The following TUBE1 variants were observed in gnomAD, a reference collection of about 807,000 sequenced individuals.
TUBE1 encodes the protein tubulin epsilon 1.
A neutral mutation model predicts 53.5 loss-of-function variants in TUBE1; 34 were observed. The ratio of observed to expected loss-of-function variants is 0.64; its 90% CI spans 0.48 to 0.85. The LOEUF is 0.85. TUBE1 is among the 40% of genes least tolerant of loss of function. The probability of loss-of-function intolerance (pLI) is 0.00; values close to 1 mark genes in which losing one functional copy is unlikely to be tolerated. For synonymous variants in TUBE1, 177 were observed against 198.4 expected, an observed-to-expected ratio of 0.89 and a Z score of 0.91; for missense variants, 532 against 570.5, an observed-to-expected ratio of 0.93 and a Z score of 0.69.
intron 2 of TUBE1, 169 bp downstream of exon 2, chr6:112,087,053 CAGTGTTCTTTT>C: frequency 3.3e-6 from 2 of 614,728 alleles, no homozygotes; most frequent in African/African-American, 3.7e-5. Flanking sequence ...GGTCGCTGGC[CAGTGTTCTTTT>C]AGTTTAGTGT....
chr6:112,074,679 C>T (rs781847160), intron 9 of TUBE1, 31 bp downstream of exon 9: 13 of 1,414,068 alleles, frequency 9.2e-6, no homozygotes, highest in Non-Finnish European at 1.2e-5. Flanking sequence ...AATTTGAGGC[C>T]TCAAAAAATT....
chr6:112,086,496 C>A (rs1007088288), intron 3 of TUBE1, 60 bp downstream of exon 3: 10 of 1,310,972 alleles, frequency 7.6e-6, no homozygotes, highest in Non-Finnish European at 1.1e-5. Context: ...TTGAAGAATT[C>A]TCTCCCAAGC....
In TUBE1 at chr6:112,070,814, T is replaced by C. The variant is rs1776842795; in HGVS notation, c.*598A>G. The stretch of plus-strand genomic sequence containing the variant: ...GACATTTATTATAAAATCAATTGGT[T>C]TGATAAGAAAGCAATTATTTAAAAA... On this transcript the variant is annotated 3_prime_UTR_variant, in exon 12 of 12. Coordinates refer to ENST00000368662, the MANE Select transcript of TUBE1 (RefSeq NM_016262.5). 1 of 152,096 alleles carries C rather than the reference T, an allele frequency of 6.6e-6. No homozygotes were observed. Among genetic ancestry groups the C allele is most frequent in the Non-Finnish European group, 1.5e-5 (1 of 67,990 alleles). The allele number at this position is 152,096 out of a possible 1,614,324, so 9.4% of individuals were successfully genotyped here. A position where few individuals can be genotyped will look rare whatever the true frequency, so the allele number is the denominator to read the frequency against.
Position 112,071,419 on chromosome 6 carries a change from G to T in TUBE1, c.1421C>A (p.Ala474Asp). ...TTTTTGAGGGTTTCTTTTTCACATA[G>T]CTATGCTTAGTCTGGGTAAATCCTG... ...PVQDLPRLSI[A>D]M The change falls in exon 12 of 12, where the codon GCT becomes GAT. Residue 474 changes from alanine to aspartate, a missense_variant. By Grantham distance (126) the Ala-to-Asp change is moderately radical. Transcript: ENST00000368662. 1 of 1,571,110 alleles carries T rather than the reference G, an allele frequency of 6.4e-7. No individual in the cohort carries two copies. Among genetic ancestry groups the T allele is most frequent in the Non-Finnish European group, 8.7e-7 (1 of 1,153,534 alleles).
Position 112,081,112 on chromosome 6 carries a change from A to G in TUBE1, c.306T>C (p.Ile102=). ...CTCACCAATTATTTCCTGAGCCAGA[A>G]ATATCAGTGATGAGCTGTTTCGTAT... ...VFDTKQLITD[I]SGSGNNWAVG... is the part of the protein sequence containing the mutation. The change falls in exon 5 of 12, where the codon ATT becomes ATC. Residue 102 remains isoleucine, a synonymous_variant. Coordinates refer to ENST00000368662, the MANE Select transcript of TUBE1 (RefSeq NM_016262.5). The G allele has an allele frequency of 6.2e-7, 1 of 1,602,350 alleles. No individual in the cohort carries two copies. The highest frequency in any genetic ancestry group is 1.1e-5 in the South Asian group (1 of 89,692).
chr6:112,071,496 T>G lies in TUBE1; in HGVS notation c.1344A>C (p.Ser448=). ...GTTGGTCATATTCCTGTATGAGTGCTGATAAAGATGACACAGCTTCTGTGA... is the reference window on the plus strand; with the variant it reads ...GTTGGTCATATTCCTGTATGAGTGCGGATAAAGATGACACAGCTTCTGTGA... The part of the protein sequence containing the change: ...SCFTEAVSSL[S]ALIQEYDQLD... The change falls in exon 12 of 12, where the codon TCA becomes TCC. Residue 448 remains serine (S), a synonymous_variant. Transcript: ENST00000368662. 2 of 1,612,828 alleles carry G rather than the reference T, an allele frequency of 1.2e-6. No homozygotes were observed. Among genetic ancestry groups the G allele is most frequent in the Non-Finnish European group, 1.7e-6 (2 of 1,179,234 alleles).
chr6:112,083,455 A>T (rs587753076), intron 4 of TUBE1, among the ~76,000 whole-genome samples: 2 of 151,682 alleles, frequency 1.3e-5, no homozygotes, highest in African/African-American at 4.8e-5. Flanking sequence ...AGCAGCTAGG[A>T]CTACAGGTGC....
At chr6:112,085,760 A>T (rs587665478) in intron 3 of TUBE1, 2 of 469,388 alleles carry the variant, frequency 4.3e-6, no homozygotes, top group African/African-American at 4.0e-5. Context: ...AAGATAAAGT[A>T]ATGTGCCTAT....
In TUBE1 at chr6:112,080,201, CATATA is replaced by C. The variant is rs151334549; in HGVS notation, c.327-452_327-448del. On this transcript the variant is annotated intron_variant, in intron 5 of 11. Coordinates refer to ENST00000368662, the MANE Select transcript of TUBE1 (RefSeq NM_016262.5). ...AATTTAAACAAACCTATTCTGGTTTCATATATGAGAAAAAAAAGGTCACATCATGT... is the reference window on the plus strand; with the variant it reads ...AATTTAAACAAACCTATTCTGGTTTCTGAGAAAAAAAAGGTCACATCATGT... Among the ~76,000 whole-genome samples, 72 of 151,954 alleles carry C rather than the reference CATATA, an allele frequency of 4.7e-4. 1 individual carries two copies. The East Asian group carries it at 0.012, about 26-fold the overall frequency.
chr6:112,084,677 A>ATTAT (rs1777120662), intron 3 of TUBE1, among the ~76,000 whole-genome samples: 1 of 152,240 alleles, frequency 6.6e-6, no homozygotes, highest in African/African-American at 2.4e-5. Flanking sequence ...TGGAACATAT[A>ATTAT]TAGTATTAGA....
intron 5 of TUBE1, 44 bp downstream of exon 5, chr6:112,081,048 A>AT (rs781919126): frequency 7.2e-6 from 9 of 1,245,134 alleles, no homozygotes; most frequent in Admixed American, 1.8e-5. Context: ...AAGATTGCTC[A>AT]TTTTTTTCAG....
Position 112,079,233 on chromosome 6 carries a change from T to C in TUBE1, c.448+400A>G, listed in dbSNP as rs56806947. ...ATTAATATCCTTTGGCAAGCACACA[T>C]CATGAGCACGTCAAAAATGCTTCAC... On this transcript the variant is annotated intron_variant, in intron 6 of 11. Transcript: ENST00000368662. Among the ~76,000 whole-genome samples the C allele has an allele frequency of 1.7e-3, 259 of 151,850 alleles. 3 individuals are homozygous for C. Among genetic ancestry groups the C allele is most frequent in the African/African-American group, 6.1e-3 (253 of 41,462 alleles).
chr6:112,074,559 G>T, intron 9 of TUBE1, 151 bp downstream of exon 9: 1 of 435,750 alleles, frequency 2.3e-6, no homozygotes, highest in Non-Finnish European at 3.9e-6. Context: ...AAATAAAGAT[G>T]CATTCATCTA....
intron 4 of TUBE1, 30 bp from the exon 5 acceptor site, chr6:112,081,237 G>T: frequency 7.9e-7 from 1 of 1,259,064 alleles, no homozygotes; most frequent in Non-Finnish European, 1.1e-6. Flanking sequence ...TATAATTAAT[G>T]TATTTTCTTT....
intron 2 of TUBE1, 129 bp downstream of exon 2, chr6:112,087,104 T>C: frequency 1.3e-6 from 1 of 786,552 alleles, no homozygotes; most frequent in East Asian, 2.7e-5. Context: ...TAAAAACCAG[T>C]ACGTTCTTTA....
intron 9 of TUBE1, among the ~76,000 whole-genome samples, chr6:112,074,153 T>A (rs1350949670): frequency 1.3e-5 from 2 of 152,232 alleles, no homozygotes; most frequent in Non-Finnish European, 2.9e-5. Flanking sequence ...ATCATCAGTA[T>A]ACATGCTAAG....
In TUBE1 at chr6:112,071,292, A is replaced by T; in HGVS notation, c.*120T>A. 9.9e-7 allele frequency: 1 copy of T among 1,013,540 alleles called. No individual in the cohort carries two copies. The highest frequency in any genetic ancestry group is 1.4e-6 in the Non-Finnish European group (1 of 738,594). 62.8% of individuals were successfully genotyped at this position (1,013,540 alleles called of 1,614,324 possible). On this transcript the variant is annotated 3_prime_UTR_variant, in exon 12 of 12. Coordinates refer to ENST00000368662, the MANE Select transcript of TUBE1 (RefSeq NM_016262.5). ...GCGATTAAACAGAAATCACTCTTTT[A>T]GACAAAAATATTTCCCGATAATATG...
In TUBE1 at chr6:112,071,560, T is replaced by C. The variant is rs1776863434; in HGVS notation, c.1280A>G (p.His427Arg). The C allele has an allele frequency of 6.2e-7, 1 of 1,607,808 alleles. No homozygotes were observed. ...MRLYKKKAHL[H>R]HYLQVEGMEE... ...CATCCCTTCAACTTGTAGATAGTGA[T>C]GAAGGTGAGCCTATAAATTAAAAAA... Residue 427 changes from histidine (H) to arginine (R), a missense_variant, in exon 12 of 12, where the codon CAT (histidine) becomes CGT (arginine). Transcript: ENST00000368662.
chr6:112,085,600 A>G (rs1393204681), intron 3 of TUBE1: 1 of 460,206 alleles, frequency 2.2e-6, no homozygotes, highest in African/African-American at 2.0e-5. Context: ...TACAAATAAG[A>G]GGGAATCTAT....
Sources: gnomAD v4.1 joint callset for allele counts (sites outside exome capture counted in the v4.1 genomes callset) on GRCh38, gnomAD v4.1.1 for gene constraint, MANE v1.5 for transcripts, NCBI Gene and HGNC (gene_info 2026-07-23, HGNC 2026-07-21) for gene names.